The following LRRC63 variants were observed in gnomAD, a reference collection of about 807,000 sequenced individuals.
LRRC63 encodes the protein leucine-rich repeat-containing protein 63.
Under a neutral mutation model 49.5 loss-of-function variants are expected in LRRC63, and 40 were observed. The ratio of observed to expected loss-of-function variants is 0.81; its 90% confidence interval spans 0.63 to 1.05. LRRC63 has a LOEUF of 1.05. LRRC63 is among the 50% of genes least tolerant of loss of function. The probability of loss-of-function intolerance (pLI) is 0.00; values close to 1 mark genes in which losing one functional copy is unlikely to be tolerated. For missense variants in LRRC63, 636 were observed against 663.1 expected, an observed-to-expected ratio of 0.96 and a Z score of 0.45; for synonymous variants, 191 against 221.1, an observed-to-expected ratio of 0.86 and a Z score of 1.21.
chr13:46,214,540 G>A (rs533226938), intron 2 of LRRC63, among the ~76,000 whole-genome samples: 1 of 151,944 alleles, frequency 6.6e-6, no homozygotes, highest in Non-Finnish European at 1.5e-5. Flanking sequence ...TTTTAGGTTG[G>A]ATGGTTCCTT....
At chr13:46,261,167 T>A (rs921435531) in intron 7 of LRRC63, among the ~76,000 whole-genome samples, 6 of 152,224 alleles carry the variant, frequency 3.9e-5, no homozygotes, top group Non-Finnish European at 8.8e-5. Flanking sequence ...AGTACTTGTC[T>A]TGATGGAAAG....
intron 7 of LRRC63, among the ~76,000 whole-genome samples, chr13:46,258,460 A>G (rs2047555610): frequency 2.0e-5 from 3 of 151,220 alleles, no homozygotes; most frequent in Admixed American, 2.0e-4. Flanking sequence ...TTTCCATCTG[A>G]AAGTTTAGAA....
At chr13:46,266,882 T>G (rs772219323) in exon 9 of LRRC63, 1 of 1,549,002 alleles carries the variant, frequency 6.5e-7, no homozygotes, top group South Asian at 1.2e-5. Context: ...CCACAACAAC[T>G]TACTCAAATT....
chr13:46,237,339 A>G (rs1005279320), intron 5 of LRRC63, among the ~76,000 whole-genome samples: 1 of 152,186 alleles, frequency 6.6e-6, no homozygotes, highest in Non-Finnish European at 1.5e-5. Context: ...AGAATATATA[A>G]CACAAGGTGT....
At chr13:46,239,860 TA>T (rs2047004632) in intron 5 of LRRC63, among the ~76,000 whole-genome samples, 1 of 152,320 alleles carries the variant, frequency 6.6e-6, no homozygotes, top group Middle Eastern at 3.4e-3. Context: ...TGCAAATCAA[TA>T]AATGTGATTC....
rs774618804 is a variant in LRRC63 at position 46,266,835 on chromosome 13, T to A, written c.1413T>A (p.Thr471=). 1.1e-5 allele frequency: 17 copies of A among 1,550,012 alleles called. No individual in the cohort carries two copies. In the South Asian group the frequency reaches 1.8e-4, roughly 16 times the overall value. ...AAATTCAGTTTGAGAATAATTTCAC[T>A]CATCCTTGTTTTTGGAGAGATAATT... Residue 471 remains threonine (T), a synonymous_variant, in exon 9 of 10, where the codon ACT becomes ACA. Transcript: ENST00000595396.
chr13:46,225,691 A>T (rs2046552314), intron 2 of LRRC63, among the ~76,000 whole-genome samples: 1 of 152,210 alleles, frequency 6.6e-6, no homozygotes, highest in Non-Finnish European at 1.5e-5. Context: ...AATTAGTTCC[A>T]CTTAAGTAGG....
At chr13:46,243,284 A>G (rs1328606892) in intron 5 of LRRC63, among the ~76,000 whole-genome samples, 1 of 152,156 alleles carries the variant, frequency 6.6e-6, no homozygotes, top group Non-Finnish European at 1.5e-5. Context: ...TGTAAGCCTC[A>G]TGGTAACCTC....
At position 46,227,660 on chromosome 13, in the gene LRRC63, T is replaced by A. The variant is rs1440002981; in HGVS notation, c.234T>A (p.Cys78Ter). ...TCCAAAATATCTTTCTTGATCACTG[T>A]GTACAAGAAAGAGTGACTGCAATTT... is the stretch of plus-strand genomic sequence containing the variant. The change falls in exon 3 of 10, where the codon TGT becomes TGA. Residue 78 changes from cysteine (C) to a stop codon, truncating the protein, a stop_gained. Coordinates refer to ENST00000595396, the Ensembl canonical transcript of LRRC63. LOFTEE classifies it high-confidence loss of function. 3.9e-6 allele frequency: 6 copies of A among 1,550,288 alleles called. No individual in the cohort carries two copies. In the African/African-American group the frequency reaches 8.2e-5, roughly 21 times the overall value.
chr13:46,242,297 C>T (rs1037513854), intron 5 of LRRC63, among the ~76,000 whole-genome samples: 11 of 152,096 alleles, frequency 7.2e-5, no homozygotes, highest in Admixed American at 1.3e-4. Flanking sequence ...GGGAACAATA[C>T]ACACCGGATC....
chr13:46,257,629 C>T (rs890405825), intron 7 of LRRC63, among the ~76,000 whole-genome samples: 3 of 152,132 alleles, frequency 2.0e-5, no homozygotes, highest in African/African-American at 2.4e-5. Context: ...TAAGGTAGGC[C>T]TTATTGAGAA....
chr13:46,217,239 T>C (rs2046277088), intron 2 of LRRC63, among the ~76,000 whole-genome samples: 1 of 152,228 alleles, frequency 6.6e-6, no homozygotes. Context: ...TGTCTGGTCC[T>C]GGGCTTTCTT....
At chr13:46,250,206 C>T in intron 6 of LRRC63, 149 bp from the exon 7 acceptor site, 1 of 625,736 alleles carries the variant, frequency 1.6e-6, no homozygotes, top group East Asian at 3.0e-5. Flanking sequence ...TGAAGGTTGA[C>T]CGAGGGTGTT....
chr13:46,269,520 C>T (rs1200626495), intron 9 of LRRC63, among the ~76,000 whole-genome samples: 2 of 151,558 alleles, frequency 1.3e-5, no homozygotes, highest in Non-Finnish European at 2.9e-5. Flanking sequence ...ATCAGACACA[C>T]AAAAAAATCA....
At chr13:46,223,138 C>A (rs1451490527) in intron 2 of LRRC63, among the ~76,000 whole-genome samples, 2 of 150,972 alleles carry the variant, frequency 1.3e-5, no homozygotes, top group Non-Finnish European at 2.9e-5. Flanking sequence ...GTGCAGCACA[C>A]CAGCATGGCA....
At chr13:46,262,806 C>T (rs902419962) in intron 8 of LRRC63, among the ~76,000 whole-genome samples, 1 of 152,076 alleles carries the variant, frequency 6.6e-6, no homozygotes, top group Non-Finnish European at 1.5e-5. Context: ...TAATTATTGT[C>T]AGTACAGAAT....
chr13:46,263,111 C>G (rs975841662), intron 8 of LRRC63, among the ~76,000 whole-genome samples: 2 of 151,990 alleles, frequency 1.3e-5, no homozygotes, highest in African/African-American at 4.8e-5. Context: ...TATTTATTTA[C>G]TTTCCCCTTT....
intron 5 of LRRC63, among the ~76,000 whole-genome samples, chr13:46,239,729 G>A (rs145967265): frequency 7.4e-4 from 113 of 152,264 alleles, no homozygotes; most frequent in African/African-American, 2.6e-3. Flanking sequence ...TATTCTTGAT[G>A]AACACTGATG....
Position 46,268,332 on chromosome 13 carries a change from T to A in LRRC63, c.1550+1360T>A, listed in dbSNP as rs115567090. On this transcript the variant is annotated intron_variant, in intron 9 of 9. Transcript: ENST00000595396. ...GAGATTGGAGAAAAAAGGACATGAT[T>A]TAACATACACTTGGATACTCAGAAA... Among the ~76,000 whole-genome samples the A allele has an allele frequency of 3.5e-3, 535 of 152,190 alleles. 4 individuals carry two copies. The highest frequency in any genetic ancestry group is 0.012 in the African/African-American group (516 of 41,532).
Sources: allele counts gnomAD v4.1 joint callset (sites outside exome capture counted in the v4.1 genomes callset), GRCh38; gene constraint gnomAD v4.1.1; transcripts MANE v1.5; gene names NCBI Gene and HGNC (gene_info 2026-07-23, HGNC 2026-07-21).